Variants in POLRMT observed in about 807,000 individuals in gnomAD.
POLRMT encodes the protein DNA-directed RNA polymerase, mitochondrial.
In POLRMT, 114 loss-of-function variants were observed where a neutral mutation model predicts 132.2. That is an observed-to-expected ratio of 0.86 (90% CI 0.74 to 1.01). POLRMT has a LOEUF of 1.01. Ranked by LOEUF, POLRMT falls within the 50% of genes least tolerant of loss-of-function variation. The pLI is 0.00. For synonymous variants in POLRMT, 1,020 were observed against 773.4 expected, an observed-to-expected ratio of 1.32 and a Z score of -5.29; for missense variants, 2,003 against 1,729.1, an observed-to-expected ratio of 1.16 and a Z score of -2.81.
chr19:632,536 C>CG lies in POLRMT; in HGVS notation c.193+297dup, dbSNP rs1286873223. Among the ~76,000 whole-genome samples the CG allele has an allele frequency of 9.0e-3, 638 of 70,690 alleles. 2 individuals are homozygous for CG. Among genetic ancestry groups the CG allele is most frequent in the Non-Finnish European group, 0.013 (448 of 33,960 alleles). The allele number at this position is 70,690 out of a possible 152,430, so 46.4% of individuals were successfully genotyped here. On this transcript the variant is annotated intron_variant, in intron 2 of 20. Coordinates refer to ENST00000588649, the MANE Select transcript of POLRMT (RefSeq NM_005035.4). ...GCACATGTGGCCTTGGCGGCGGGGC[C>CG]GGGGGGGGGGTCTCTCCAGACATAA...
intron 2 of POLRMT, 88 bp downstream of exon 2, chr19:632,746 C>A: frequency 8.5e-7 from 1 of 1,182,450 alleles, no homozygotes; most frequent in Non-Finnish European, 1.2e-6. Flanking sequence ...CCGCCCTCAG[C>A]CTGTCTCAGA....
At position 617,325 on chromosome 19, in the gene POLRMT, T is replaced by G. The variant is rs531160208; in HGVS notation, c.3644-2A>C. 20 of 1,612,858 alleles carry G rather than the reference T, an allele frequency of 1.2e-5. No homozygotes were observed. Among genetic ancestry groups the G allele is most frequent in the African/African-American group, 4.0e-5 (3 of 75,030 alleles). ...TCACCTGCTCCAGGTCGAAGGCCCC[T>G]GCGGAGGAAGCAGAGCGGACGGCGT... is the stretch of plus-strand genomic sequence containing the variant. On this transcript the variant is annotated splice_acceptor_variant, in intron 20 of 20. Transcript: ENST00000588649. LOFTEE classifies it high-confidence loss of function.
Position 633,529 on chromosome 19 carries a change from G to GGCGCCGCCGCC in POLRMT, c.-18_-17insGGCGGCGGCGC, listed in dbSNP as rs57880842. 51 of 1,463,802 alleles carry GGCGCCGCCGCC rather than the reference G, an allele frequency of 3.5e-5. No homozygotes were observed. Among genetic ancestry groups the GGCGCCGCCGCC allele is most frequent in the South Asian group, 2.1e-4 (13 of 60,982 alleles). The allele number at this position is 1,463,802 out of a possible 1,614,324, so 90.7% of individuals were successfully genotyped here. On this transcript the variant is annotated 5_prime_UTR_variant, in exon 1 of 21. Transcript: ENST00000588649. ...TGCCGACATTACGCACGCCGCTCCA[G>GGCGCCGCCGCC]GCCACCCCACCGGCCCGCGCCTGCG...
Position 618,695 on chromosome 19 carries a change from C to T in POLRMT, c.3323+10G>A, listed in dbSNP as rs1984225413. ...CCCCGGCCAGGCCCCAGCCCGGGCC[C>T]CCCACTCACCGGCTGATGTCTCCGT... On this transcript the variant is annotated intron_variant, in intron 16 of 20. Transcript: ENST00000588649. 1 of 1,606,512 alleles carries T rather than the reference C, an allele frequency of 6.2e-7. No homozygotes were observed. The highest frequency in any genetic ancestry group is 1.3e-5 in the African/African-American group (1 of 74,942).
chr19:628,271 C>G (rs998046585), intron 3 of POLRMT, among the ~76,000 whole-genome samples: 1 of 152,220 alleles, frequency 6.6e-6, no homozygotes, highest in Non-Finnish European at 1.5e-5. Flanking sequence ...CCAAAAGCGC[C>G]CTGTTACAGT....
rs778829356 is a variant in POLRMT at position 624,720 on chromosome 19, T to C, written c.1139A>G (p.Lys380Arg). The C allele has an allele frequency of 6.2e-7, 1 of 1,612,694 alleles. No homozygotes were observed. The highest frequency in any genetic ancestry group is 8.5e-7 in the Non-Finnish European group (1 of 1,179,258). Residue 380 changes from lysine (K) to arginine (R), a missense_variant and splice_region_variant, in exon 5 of 21, where the codon AAG becomes AGG. Physicochemically the swap from Lys to Arg is conservative, Grantham distance 26. Coordinates refer to ENST00000588649, the MANE Select transcript of POLRMT (RefSeq NM_005035.4). ...CTGCCGGGGCCCACGTGGGCTCACC[T>C]TGGCATACACGTCCCTGAGCAGCTT... ...TSKLLRDVYAKDGRVSYPKLH... is the reference protein window; with the variant it reads ...TSKLLRDVYARDGRVSYPKLH...
At position 624,788 on chromosome 19, in the gene POLRMT, G is replaced by A. The variant is rs1984901136; in HGVS notation, c.1071C>T (p.Thr357=). 3 of 1,613,582 alleles carry A rather than the reference G, an allele frequency of 1.9e-6. No homozygotes were observed. Among genetic ancestry groups the A allele is most frequent in the African/African-American group, 1.3e-5 (1 of 75,070 alleles). The stretch of plus-strand genomic sequence containing the variant: ...GCGGCAGCTGCGGCGGGAGGCTGAA[G>A]GTGGGCTTCACCTTGTGCACGGCCT... ...VLKAVHKVKP[T]FSLPPQLPPP... The change falls in exon 5 of 21, where the codon ACC becomes ACT. Residue 357 remains threonine, a synonymous_variant. Transcript: ENST00000588649.
chr19:633,166 G>C lies in POLRMT; in HGVS notation c.89-228C>G, dbSNP rs544551846. ...GAGGGTTCCTCGCACTCGAGGTGCA[G>C]CAGGTCAAAGGTTAAGAGCCCTAAA... On this transcript the variant is annotated intron_variant, in intron 1 of 20. Transcript: ENST00000588649. The C allele has an allele frequency of 1.9e-5, 11 of 594,562 alleles. No individual in the cohort carries two copies. The South Asian group carries it at 2.8e-4, about 15-fold the overall frequency. The allele number at this position is 594,562 out of a possible 1,614,324, so 36.8% of individuals were successfully genotyped here.
intron 2 of POLRMT, among the ~76,000 whole-genome samples, chr19:630,944 G>A (rs1008377816): frequency 2.0e-5 from 3 of 152,016 alleles, no homozygotes; most frequent in Non-Finnish European, 4.4e-5. Context: ...GATCACCTAA[G>A]GTCAGGAGTT....
At chr19:618,270 G>GCT in intron 17 of POLRMT, 1 of 570,376 alleles carries the variant, frequency 1.8e-6, no homozygotes, top group Non-Finnish European at 3.1e-6. Flanking sequence ...CAGCGCCCAT[G>GCT]CTCGGCTCTC....
intron 11 of POLRMT, 69 bp from the exon 12 acceptor site, chr19:620,149 C>T: frequency 5.3e-6 from 8 of 1,521,358 alleles, no homozygotes; most frequent in Non-Finnish European, 7.0e-6. Flanking sequence ...CCAAACCACC[C>T]CCCAGGTCGA....
Position 621,255 on chromosome 19 carries a change from G to A in POLRMT, c.2443C>T (p.His815Tyr). Residue 815 changes from histidine to tyrosine, a missense_variant, in exon 10 of 21, where the codon CAC becomes TAC. Transcript: ENST00000588649. ...GCCCGCGCCACGTCGCTGCCCAGGT[G>A]GTTGAAGTGCGGCGGGCAGGGGTAG... ...RTYPCPPHFN[H>Y]LGSDVARALL... The A allele has an allele frequency of 6.2e-7, 1 of 1,608,782 alleles. No individual in the cohort carries two copies. Among genetic ancestry groups the A allele is most frequent in the Non-Finnish European group, 8.5e-7 (1 of 1,178,096 alleles).
In POLRMT at chr19:630,170, T is replaced by G; in HGVS notation, c.194-2A>C. The G allele has an allele frequency of 6.3e-7, 1 of 1,584,454 alleles. No individual in the cohort carries two copies. Among genetic ancestry groups the G allele is most frequent in the Non-Finnish European group, 8.6e-7 (1 of 1,163,748 alleles). On this transcript the variant is annotated splice_acceptor_variant, in intron 2 of 20. Transcript: ENST00000588649. LOFTEE classifies it high-confidence loss of function. Reference sequence around the variant, plus strand: ...GCTGCCGCACCCGCGCCTGGAGCACTGTGAGGGGCAGAAGGCGAGGACATG... The same window carrying G: ...GCTGCCGCACCCGCGCCTGGAGCACGGTGAGGGGCAGAAGGCGAGGACATG...
rs771452521 is a variant in POLRMT at position 622,878 on chromosome 19, T to C, written c.1398A>G (p.Ser466=). 7.5e-6 allele frequency: 12 copies of C among 1,609,950 alleles called. No homozygotes were observed. In the South Asian group the frequency reaches 8.8e-5, roughly 12 times the overall value. ...LEREVYEGRF[S]LYPFLCLLDE... The stretch of plus-strand genomic sequence containing the variant: ...CCAGCAGGCACAGGAAGGGGTAAAG[T>C]GAGAACCGGCCCTCGTACACCTCGC... Residue 466 remains serine (S), a synonymous_variant, in exon 7 of 21, where the codon TCA becomes TCG. Coordinates refer to ENST00000588649, the MANE Select transcript of POLRMT (RefSeq NM_005035.4).
intron 17 of POLRMT, 198 bp from the exon 18 acceptor site, chr19:618,047 C>T: frequency 1.7e-6 from 1 of 595,116 alleles, no homozygotes; most frequent in South Asian, 2.0e-5. Flanking sequence ...GAAATGTTCC[C>T]AGAAGCCTCC....
At chr19:626,688 TAAAAATAC>T (rs1383989218) in intron 3 of POLRMT, among the ~76,000 whole-genome samples, 6 of 56,126 alleles carry the variant, frequency 1.1e-4, no homozygotes, top group Non-Finnish European at 6.5e-5. Context: ...CTCCCTCCAC[TAAAAATAC>T]AAAAAAAAAA....
Position 622,839 on chromosome 19 carries a change from C to G in POLRMT, c.1437G>C (p.Val479=), listed in dbSNP as rs755525292. 4 of 1,600,036 alleles carry G rather than the reference C, an allele frequency of 2.5e-6. No individual in the cohort carries two copies. The highest frequency in any genetic ancestry group is 3.4e-6 in the Non-Finnish European group (4 of 1,174,256). ...GACGCACCTGCAGGAGCATCCGCAC[C>G]ACCTCGCGCTCGTCCAGCAGGCACA... ...PFLCLLDERE[V]VRMLLQVLQA... is the part of the protein sequence containing the mutation. Residue 479 remains valine, a synonymous_variant, in exon 7 of 21, where the codon GTG becomes GTC. Transcript: ENST00000588649.
chr19:621,939 G>A (rs1041887608), intron 9 of POLRMT, 93 bp from the exon 10 acceptor site: 5 of 1,439,030 alleles, frequency 3.5e-6, no homozygotes, highest in Admixed American at 4.6e-5. Flanking sequence ...CGGCTCCCCG[G>A]CCAACAAGAA....
rs1207526590 is a variant in POLRMT, at chr19:617,467, A to C, written c.3595T>G (p.Leu1199Val). 1.9e-6 allele frequency: 3 copies of C among 1,605,880 alleles called. No individual in the cohort carries two copies. In the South Asian group the frequency reaches 3.3e-5, roughly 18 times the overall value. The change falls in exon 20 of 21, where the codon TTG (leucine) becomes GTG (valine). Residue 1199 changes from leucine to valine, a missense_variant. Transcript: ENST00000588649. The part of the protein sequence containing the change: ...KRFCSEPQKI[L>V]EASQLKETLQ... ...GTCTCCTTCAGCTGGCTGGCCTCCA[A>C]GATCTTCTGGGGCCTGGGGTTGGAA...
Sources: allele counts gnomAD v4.1 joint callset (sites outside exome capture counted in the v4.1 genomes callset), GRCh38; gene constraint gnomAD v4.1.1; transcripts MANE v1.5; gene names NCBI Gene and HGNC (gene_info 2026-07-23, HGNC 2026-07-21).